RTL4: variants seen among roughly 807,000 people sequenced by gnomAD.
RTL4 encodes the protein retrotransposon Gag like 4.
Under a neutral mutation model 5.3 loss-of-function variants are expected in RTL4, and 4 were observed. That is an observed-to-expected ratio of 0.75 (90% CI 0.37 to 1.72). The LOEUF (loss-of-function observed/expected upper bound fraction) is 1.72, where lower values mean the gene tolerates loss of function less well. RTL4 is among the 40% of genes most tolerant of loss of function. The pLI is 0.04. For missense variants in RTL4, 260 were observed against 227.1 expected (o/e 1.14, Z -0.93); for synonymous variants, 98 against 87.3 (o/e 1.12, Z -0.68).
chrX:112,183,590 A>T, the RTL4 span, among the ~76,000 whole-genome samples: 223 of 112,238 alleles, frequency 2.0e-3, 2 homozygotes, highest in Admixed American at 0.018. Context: ...TCGTAAAGGG[A>T]TCAATTCAAC....
upstream of RTL4, among the ~76,000 whole-genome samples, chrX:112,450,605 G>A (rs1415258164): frequency 1.8e-5 from 2 of 111,229 alleles, no homozygotes; most frequent in African/African-American, 3.3e-5. Flanking sequence ...TTAAGCAATT[G>A]CCACTGACAA....
chrX:112,226,602 T>C, the RTL4 span, among the ~76,000 whole-genome samples: 2 of 111,474 alleles, frequency 1.8e-5, no homozygotes, highest in Non-Finnish European at 3.8e-5. Flanking sequence ...TTTTCATAGA[T>C]GTAAAATGGG....
the RTL4 span, among the ~76,000 whole-genome samples, chrX:112,323,855 C>G: frequency 1.8e-5 from 2 of 112,103 alleles, no homozygotes; most frequent in Non-Finnish European, 3.8e-5. Context: ...CTAGATTTTT[C>G]ATATACTGTC....
the RTL4 span, among the ~76,000 whole-genome samples, chrX:112,223,068 G>A: frequency 1.8e-5 from 2 of 112,553 alleles, no homozygotes; most frequent in Admixed American, 9.4e-5. Flanking sequence ...TTGAACTGGG[G>A]AAGACAAAGA....
the RTL4 span, among the ~76,000 whole-genome samples, chrX:112,118,063 A>G: frequency 1.8e-5 from 2 of 112,116 alleles, no homozygotes; most frequent in Admixed American, 1.9e-4. Context: ...TTGACAGATT[A>G]TTAATTGAGA....
the RTL4 span, among the ~76,000 whole-genome samples, chrX:112,219,280 T>C: frequency 1.8e-5 from 2 of 112,426 alleles, no homozygotes; most frequent in African/African-American, 3.2e-5. Flanking sequence ...GGAATAAGAA[T>C]TCCAGAAATA....
Sources: gnomAD v4.1 joint callset for allele counts (sites outside exome capture counted in the v4.1 genomes callset) on GRCh38, gnomAD v4.1.1 for gene constraint, MANE v1.5 for transcripts, NCBI Gene and HGNC (gene_info 2026-07-23, HGNC 2026-07-21) for gene names.